The following NDUFA12 variants were observed in gnomAD, a reference collection of about 807,000 sequenced individuals.
NDUFA12 encodes the protein NADH dehydrogenase [ubiquinone] 1 alpha subcomplex subunit 12.
A neutral mutation model predicts 20.3 loss-of-function variants in NDUFA12; 17 were observed. The observed-to-expected ratio is 0.84, with a 90% CI of 0.57 to 1.26. NDUFA12 has a LOEUF of 1.26. Ranked by LOEUF, NDUFA12 falls within the 50% of genes most tolerant of loss-of-function variation. The pLI, the probability that NDUFA12 is intolerant of heterozygous loss-of-function variation, is 0.00. For synonymous variants in NDUFA12, 72 were observed against 63.6 expected (o/e 1.13, Z -0.63); for missense variants, 191 against 183.7 (o/e 1.04, Z -0.23).
chr12:94,981,370 C>G (rs1490540090), intron 3 of NDUFA12, among the ~76,000 whole-genome samples: 1 of 152,166 alleles, frequency 6.6e-6, no homozygotes, highest in African/African-American at 2.4e-5. Context: ...ATGGCTTGAG[C>G]CCAGGAGGTC....
At chr12:94,994,293 T>C (rs750206302) in intron 2 of NDUFA12, 36 bp from the exon 3 acceptor site, 8 of 1,562,828 alleles carry the variant, frequency 5.1e-6, no homozygotes, top group Non-Finnish European at 7.0e-6. Context: ...AAGAAAAACT[T>C]TTTTTTTTAA....
chr12:94,996,133 G>A lies in NDUFA12; in HGVS notation c.170-1876C>T, dbSNP rs147965267. On this transcript the variant is annotated intron_variant, in intron 2 of 3. Coordinates refer to ENST00000327772, the MANE Select transcript of NDUFA12 (RefSeq NM_018838.5). The stretch of plus-strand genomic sequence containing the variant: ...TGAGGTGAGAGGATCACTTGAGCAC[G>A]GGAGGCAGAGGTTGCAGTGAGCCGA... 1.3e-3 allele frequency among the ~76,000 whole-genome samples: 202 copies of A among 149,902 alleles called. 1 individual carries two copies. In the East Asian group the frequency reaches 0.025, roughly 18 times the overall value.
intron 3 of NDUFA12, among the ~76,000 whole-genome samples, chr12:94,981,184 C>T (rs1874226108): frequency 6.6e-6 from 1 of 152,182 alleles, no homozygotes; most frequent in South Asian, 2.1e-4. Context: ...AATGTCAACA[C>T]TTTGGGAGGC....
At position 95,003,694 on chromosome 12, in the gene NDUFA12, C is replaced by T. The variant is rs766705960; in HGVS notation, c.-14G>A. On this transcript the variant is annotated 5_prime_UTR_variant, in exon 1 of 4. Coordinates refer to ENST00000327772, the MANE Select transcript of NDUFA12 (RefSeq NM_018838.5). Reference sequence around the variant, plus strand: ...CACTAACTCCATCTTGCCTCGCTGGCCCCGCCTCCCGGGTGCGCCGAGCAA... The same window carrying T: ...CACTAACTCCATCTTGCCTCGCTGGTCCCGCCTCCCGGGTGCGCCGAGCAA... 6.2e-7 allele frequency: 1 copy of T among 1,614,026 alleles called. No individual in the cohort carries two copies. The highest frequency in any genetic ancestry group is 8.5e-7 in the Non-Finnish European group (1 of 1,179,942).
intron 3 of NDUFA12, among the ~76,000 whole-genome samples, chr12:94,978,123 G>A (rs914183266): frequency 6.6e-5 from 10 of 152,194 alleles, no homozygotes; most frequent in African/African-American, 1.7e-4. Context: ...ATAACGCCTC[G>A]CAGAGCATGG....
chr12:94,984,963 C>G (rs571844977), intron 3 of NDUFA12, among the ~76,000 whole-genome samples: 17 of 103,704 alleles, frequency 1.6e-4, no homozygotes, highest in Non-Finnish European at 2.9e-4. Context: ...GGCAACAGAG[C>G]GAGACTCTAT....
intron 3 of NDUFA12, among the ~76,000 whole-genome samples, chr12:94,974,593 T>G (rs1023036775): frequency 1.3e-5 from 2 of 152,186 alleles, no homozygotes; most frequent in South Asian, 2.1e-4. Context: ...GGAAGCAACC[T>G]AAGTGTCTGT....
At chr12:94,971,663 A>T (rs1259802716) in intron 3 of NDUFA12, 43 bp from the exon 4 acceptor site, 1 of 1,606,882 alleles carries the variant, frequency 6.2e-7, no homozygotes, top group Middle Eastern at 1.7e-4. Flanking sequence ...AAGAGGCAGT[A>T]CAGCATAGTG....
At chr12:94,993,223 T>C (rs1208673335) in intron 3 of NDUFA12, among the ~76,000 whole-genome samples, 3 of 150,052 alleles carry the variant, frequency 2.0e-5, no homozygotes, top group Non-Finnish European at 4.4e-5. Flanking sequence ...GCATGGTGGC[T>C]CATGCCTATA....
chr12:94,974,226 C>T (rs528248844), intron 3 of NDUFA12, among the ~76,000 whole-genome samples: 2 of 152,086 alleles, frequency 1.3e-5, no homozygotes, highest in East Asian at 1.9e-4. Context: ...CCCGCCTCGG[C>T]CTCCCAAAGT....
intron 3 of NDUFA12, chr12:94,972,258 T>C (rs918242718): frequency 1.4e-5 from 4 of 287,518 alleles, no homozygotes; most frequent in African/African-American, 8.9e-5. Flanking sequence ...TCTGACACTA[T>C]CCATTTTCAG....
At chr12:94,973,801 T>C (rs1873967600) in intron 3 of NDUFA12, among the ~76,000 whole-genome samples, 1 of 152,100 alleles carries the variant, frequency 6.6e-6, no homozygotes, top group African/African-American at 2.4e-5. Context: ...TAATAAACTA[T>C]ACCCATTATG....
Position 94,971,381 on chromosome 12 carries a change from A to T in NDUFA12, c.*59T>A. 1 of 1,527,124 alleles carries T rather than the reference A, an allele frequency of 6.5e-7. No homozygotes were observed. Among genetic ancestry groups the T allele is most frequent in the Admixed American group, 1.7e-5 (1 of 59,846 alleles). 94.6% of individuals were successfully genotyped at this position (1,527,124 alleles called of 1,614,324 possible). ...GAATTATAGTGAATGGTAAACAGTA[A>T]AAGAGTAATTACATGAAAAGCTCCA... On this transcript the variant is annotated 3_prime_UTR_variant, in exon 4 of 4. Transcript: ENST00000327772.
chr12:94,987,518 C>T (rs900780064), intron 3 of NDUFA12, among the ~76,000 whole-genome samples: 5 of 152,066 alleles, frequency 3.3e-5, no homozygotes, highest in East Asian at 1.9e-4. Context: ...ACAGCAGGCA[C>T]GGCTGGGTGT....
chr12:94,991,488 G>A (rs1254649449), intron 3 of NDUFA12, among the ~76,000 whole-genome samples: 1 of 151,548 alleles, frequency 6.6e-6, no homozygotes, highest in Non-Finnish European at 1.5e-5. Context: ...TACACTTTGC[G>A]AGGCCAAAGT....
intron 2 of NDUFA12, among the ~76,000 whole-genome samples, chr12:94,997,747 C>A (rs746208897): frequency 2.0e-5 from 3 of 151,808 alleles, no homozygotes; most frequent in Admixed American, 6.6e-5. Context: ...TTCCAAAATC[C>A]AAAAAAACCT....
At chr12:94,988,740 C>G (rs1240420604) in intron 3 of NDUFA12, among the ~76,000 whole-genome samples, 1 of 152,144 alleles carries the variant, frequency 6.6e-6, no homozygotes, top group Non-Finnish European at 1.5e-5. Flanking sequence ...TGAGACACTT[C>G]CTGTTTACAG....
chr12:95,003,585 G>T lies in NDUFA12; in HGVS notation c.86+10C>A, dbSNP rs371045435. ...CCCCAGAGGCCAAGAGCATGGCTCT[G>T]GCCGCCTACCTGAAAAAAACCCGTA... On this transcript the variant is annotated intron_variant, in intron 1 of 3. Transcript: ENST00000327772. 6.2e-7 allele frequency: 1 copy of T among 1,613,838 alleles called. No individual in the cohort carries two copies. The highest frequency in any genetic ancestry group is 1.1e-5 in the South Asian group (1 of 91,076).
intron 3 of NDUFA12, among the ~76,000 whole-genome samples, chr12:94,985,058 C>T (rs1025269686): frequency 2.4e-4 from 33 of 137,840 alleles, no homozygotes; most frequent in South Asian, 7.1e-4. Flanking sequence ...CATGATGGCT[C>T]ATGCCTGTAA....
Sources: gnomAD v4.1 joint callset for allele counts (sites outside exome capture counted in the v4.1 genomes callset) on GRCh38, gnomAD v4.1.1 for gene constraint, MANE v1.5 for transcripts, NCBI Gene and HGNC (gene_info 2026-07-23, HGNC 2026-07-21) for gene names.